Variants in TAMM41 observed in about 807,000 individuals in gnomAD.
The protein encoded by TAMM41 is TAM41 mitochondrial translocator assembly and maintenance homolog.
A neutral mutation model predicts 44.1 loss-of-function variants in TAMM41; 36 were observed. That is an observed-to-expected ratio of 0.82 (90% confidence interval 0.63 to 1.08). The LOEUF is 1.08. Among genes scored for constraint, TAMM41 ranks in the 50% least tolerant of loss-of-function variants. The pLI is 0.00. For synonymous variants in TAMM41, 164 were observed against 153.1 expected (o/e 1.07, Z -0.53); for missense variants, 417 against 404.3 (o/e 1.03, Z -0.27).
chr3:11,789,742 G>A (rs2077441527), downstream of TAMM41, among the ~76,000 whole-genome samples: 1 of 152,198 alleles, frequency 6.6e-6, no homozygotes, highest in Non-Finnish European at 1.5e-5. Flanking sequence ...CATCTGAAAG[G>A]AGTCTTCTCT....
the TAMM41 span, among the ~76,000 whole-genome samples, chr3:11,751,753 C>T: frequency 6.6e-6 from 1 of 152,244 alleles, no homozygotes; most frequent in Admixed American, 6.5e-5. Flanking sequence ...CTTGCCACTG[C>T]TGATCCTTCT....
At chr3:11,789,186 C>G (rs541036258), downstream of TAMM41, among the ~76,000 whole-genome samples, 68 of 152,274 alleles carry the variant, frequency 4.5e-4, no homozygotes, top group African/African-American at 1.6e-3. Flanking sequence ...CCCAAAATCA[C>G]ATATCTGGTC....
chr3:11,782,924 T>C, the TAMM41 span, among the ~76,000 whole-genome samples: 2 of 152,184 alleles, frequency 1.3e-5, no homozygotes, highest in African/African-American at 4.8e-5. Context: ...GAGGGTGTTT[T>C]GGAGGGACAG....
chr3:11,844,260 G>A, intron 1 of TAMM41, 49 bp from the exon 2 acceptor site: 2 of 1,569,524 alleles, frequency 1.3e-6, no homozygotes, highest in Non-Finnish European at 1.7e-6. Flanking sequence ...TCCTAGAAAG[G>A]CAGCAAGAGA....
At chr3:11,726,821 AAAAAG>A in the TAMM41 span, among the ~76,000 whole-genome samples, 7 of 151,280 alleles carry the variant, frequency 4.6e-5, no homozygotes, top group African/African-American at 9.8e-5. Flanking sequence ...AAAAAAAAGA[AAAAAG>A]AAAAGAAAAG....
intron 5 of TAMM41, among the ~76,000 whole-genome samples, chr3:11,812,049 T>C (rs2078103559): frequency 6.6e-6 from 1 of 152,182 alleles, no homozygotes; most frequent in Admixed American, 6.5e-5. Context: ...TGCCTCAGCC[T>C]CCCGAGTAGC....
chr3:11,728,759 A>G, the TAMM41 span, among the ~76,000 whole-genome samples: 8 of 152,224 alleles, frequency 5.3e-5, no homozygotes, highest in African/African-American at 1.7e-4. Context: ...CTGAAATCCC[A>G]GCACTTTGGG....
intron 4 of TAMM41, among the ~76,000 whole-genome samples, chr3:11,821,499 A>C (rs9862839): frequency 6.6e-6 from 1 of 152,204 alleles, no homozygotes; most frequent in Non-Finnish European, 1.5e-5. Flanking sequence ...GCAGTAATGC[A>C]AGTGATGGAG....
chr3:11,807,459 A>T, intron 7 of TAMM41: 1 of 1,536,146 alleles, frequency 6.5e-7, no homozygotes, highest in South Asian at 1.2e-5. Context: ...CCACTAAGAC[A>T]GATGGAAGCA....
chr3:11,769,925 C>G, the TAMM41 span, among the ~76,000 whole-genome samples: 6 of 152,262 alleles, frequency 3.9e-5, no homozygotes, highest in East Asian at 1.2e-3. Flanking sequence ...CTGCAGCCAC[C>G]TGGGAGGTGT....
At chr3:11,792,009 T>C (rs1268150064) in intron 7 of TAMM41, among the ~76,000 whole-genome samples, 1 of 152,124 alleles carries the variant, frequency 6.6e-6, no homozygotes, top group Non-Finnish European at 1.5e-5. Flanking sequence ...CGAATACAGG[T>C]AGTTATACAT....
At chr3:11,823,262 T>G (rs2078600934) in intron 4 of TAMM41, among the ~76,000 whole-genome samples, 1 of 149,408 alleles carries the variant, frequency 6.7e-6, no homozygotes, top group African/African-American at 2.5e-5. Flanking sequence ...TTGTTTTTTT[T>G]TTTTTTTTTT....
At chr3:11,768,298 G>C in the TAMM41 span, among the ~76,000 whole-genome samples, 1 of 151,874 alleles carries the variant, frequency 6.6e-6, no homozygotes, top group Non-Finnish European at 1.5e-5. Context: ...CAGCATACTA[G>C]GCTAATTTTA....
the TAMM41 span, among the ~76,000 whole-genome samples, chr3:11,760,630 G>A: frequency 1.3e-5 from 2 of 151,834 alleles, no homozygotes; most frequent in Non-Finnish European, 2.9e-5. Flanking sequence ...GTGCAATCTT[G>A]GCTCACTGCA....
intron 3 of TAMM41, chr3:11,830,925 T>A (rs2078959553): frequency 1.3e-5 from 2 of 151,872 alleles, no homozygotes; most frequent in Admixed American, 6.6e-5. Context: ...GTTCTGAGAT[T>A]CTTACTTTTA....
intron 6 of TAMM41, 151 bp from the exon 7 acceptor site, chr3:11,808,046 A>ATTC: frequency 3.6e-6 from 5 of 1,390,530 alleles, no homozygotes; most frequent in Non-Finnish European, 4.7e-6. Flanking sequence ...GTGACAATGA[A>ATTC]AAGGGCAGTG....
At chr3:11,723,350 C>T in the TAMM41 span, among the ~76,000 whole-genome samples, 7 of 151,950 alleles carry the variant, frequency 4.6e-5, no homozygotes, top group African/African-American at 1.2e-4. Flanking sequence ...TAGGCCAAGG[C>T]GGGTGCATTG....
intron 2 of TAMM41, 101 bp downstream of exon 2, chr3:11,843,928 G>A (rs1306398477): frequency 2.2e-5 from 26 of 1,208,876 alleles, no homozygotes; most frequent in Admixed American, 4.2e-5. Context: ...CAGCAGGAGT[G>A]TGAATGTTTC....
chr3:11,776,260 C>T, the TAMM41 span, among the ~76,000 whole-genome samples: 15 of 152,082 alleles, frequency 9.9e-5, no homozygotes, highest in Admixed American at 5.9e-4. Context: ...CCTCATGATC[C>T]GCCCACCTCG....
Sources: allele counts gnomAD v4.1 joint callset (sites outside exome capture counted in the v4.1 genomes callset), GRCh38; gene constraint gnomAD v4.1.1; transcripts MANE v1.5; gene names NCBI Gene and HGNC (gene_info 2026-07-23, HGNC 2026-07-21).